Variants in PARVB observed in about 807,000 individuals in gnomAD.
PARVB encodes parvin beta.
A neutral mutation model predicts 47.0 loss-of-function variants in PARVB; 46 were observed. The observed-to-expected ratio is 0.98, with a 90% CI of 0.77 to 1.25. The LOEUF is 1.25. Ranked by LOEUF, PARVB falls within the 50% of genes most tolerant of loss-of-function variation. The pLI, the probability that PARVB is intolerant of heterozygous loss-of-function variation, is 0.00. For missense variants in PARVB, 473 were observed against 471.6 expected (o/e 1.00, Z -0.03); for synonymous variants, 196 against 196.3 (o/e 1.00, Z 0.01).
intron 4 of PARVB, among the ~76,000 whole-genome samples, chr22:44,124,165 T>G (rs2053135828): frequency 6.6e-6 from 1 of 152,204 alleles, no homozygotes; most frequent in South Asian, 2.1e-4. Context: ...GACAGATAGA[T>G]GAGTATTGTT....
upstream of PARVB, among the ~76,000 whole-genome samples, chr22:44,020,849 C>T (rs1394565908): frequency 6.6e-6 from 1 of 151,484 alleles, no homozygotes; most frequent in Non-Finnish European, 1.5e-5. Context: ...GGCGTGATCT[C>T]GGCTCACTGC....
chr22:44,142,659 C>T (rs928198354), intron 8 of PARVB: 6 of 152,078 alleles, frequency 3.9e-5, no homozygotes, highest in South Asian at 2.1e-4. Context: ...GCAGTGGCTC[C>T]CTAGGTAAGA....
intron 3 of PARVB, chr22:44,107,853 T>G (rs1211741713): frequency 1.3e-5 from 2 of 152,024 alleles, no homozygotes; most frequent in African/African-American, 4.8e-5. Context: ...GCAGTGTTTC[T>G]TATTAATTAC....
intron 2 of PARVB, among the ~76,000 whole-genome samples, chr22:44,008,880 T>C (rs2050494866): frequency 6.6e-6 from 1 of 151,902 alleles, no homozygotes; most frequent in Non-Finnish European, 1.5e-5. Flanking sequence ...TCCCAGCTAC[T>C]CGGGAGGCTG....
intron 1 of PARVB, among the ~76,000 whole-genome samples, chr22:44,030,910 T>C (rs1453715976): frequency 6.6e-6 from 1 of 152,030 alleles, no homozygotes; most frequent in Admixed American, 6.6e-5. Flanking sequence ...GCGGGCCTCC[T>C]AGCCAACGAA....
At chr22:44,062,173 G>T (rs1270545796) in intron 1 of PARVB, among the ~76,000 whole-genome samples, 2 of 152,186 alleles carry the variant, frequency 1.3e-5, no homozygotes, top group African/African-American at 4.8e-5. Flanking sequence ...GCACCTGGCA[G>T]TTCTCCAGCA....
chr22:44,056,452 C>G (rs2051313793), intron 1 of PARVB, among the ~76,000 whole-genome samples: 1 of 152,212 alleles, frequency 6.6e-6, no homozygotes, highest in South Asian at 2.1e-4. Context: ...ATTACTCTAC[C>G]TCTCTGTGCC....
At chr22:44,166,023 G>T (rs949352852) in intron 12 of PARVB, among the ~76,000 whole-genome samples, 2 of 152,216 alleles carry the variant, frequency 1.3e-5, no homozygotes, top group Non-Finnish European at 2.9e-5. Context: ...GCAGCATGGG[G>T]TGCTTCCCCC....
chr22:44,130,321 C>T (rs1407504577), intron 4 of PARVB, among the ~76,000 whole-genome samples: 2 of 152,156 alleles, frequency 1.3e-5, no homozygotes, highest in African/African-American at 4.8e-5. Context: ...GTCTTAGAAT[C>T]GAAGACTAGC....
intron 2 of PARVB, among the ~76,000 whole-genome samples, chr22:44,014,560 C>A (rs147468835): frequency 7.9e-5 from 12 of 152,302 alleles, no homozygotes; most frequent in East Asian, 1.9e-4. Context: ...TCATTAAATT[C>A]TCTCTTTTTA....
At chr22:44,101,398 G>T (rs1311655732) in intron 3 of PARVB, among the ~76,000 whole-genome samples, 3 of 145,560 alleles carry the variant, frequency 2.1e-5, no homozygotes, top group Admixed American at 1.4e-4. Flanking sequence ...CGACAGCGAG[G>T]CTCCGTCTCA....
chr22:44,016,181 C>T (rs1421492197), intron 2 of PARVB, among the ~76,000 whole-genome samples: 2 of 150,782 alleles, frequency 1.3e-5, no homozygotes, highest in Admixed American at 6.6e-5. Context: ...ACTGCAAGCT[C>T]CACCTCCCAG....
At chr22:44,148,585 T>TCAACC (rs1454258217) in intron 9 of PARVB, 6 of 158,464 alleles carry the variant, frequency 3.8e-5, no homozygotes, top group Admixed American at 2.9e-4. Context: ...AGCGCTCATT[T>TCAACC]CAACCCATGG....
At chr22:44,035,906 G>A (rs1334893136) in intron 1 of PARVB, among the ~76,000 whole-genome samples, 3 of 152,148 alleles carry the variant, frequency 2.0e-5, no homozygotes, top group East Asian at 3.9e-4. Context: ...AACAGGAGGC[G>A]GCTACTATTA....
chr22:44,024,271 C>G (rs2050690511), upstream of PARVB: 2 of 888,160 alleles, frequency 2.3e-6, no homozygotes, highest in Non-Finnish European at 1.3e-6. Context: ...GCCGCGCCCT[C>G]GGCCTCTCCC....
intron 1 of PARVB, among the ~76,000 whole-genome samples, chr22:44,042,314 AGGAG>A (rs2051033806): frequency 6.6e-6 from 1 of 152,042 alleles, no homozygotes; most frequent in African/African-American, 2.4e-5. Context: ...CCAGCTGCTC[AGGAG>A]GCTGAGGTGG....
chr22:44,033,668 A>G (rs1308556571), intron 1 of PARVB, among the ~76,000 whole-genome samples: 3 of 152,196 alleles, frequency 2.0e-5, no homozygotes, highest in Non-Finnish European at 4.4e-5. Flanking sequence ...TCCCCAAGCA[A>G]CGCCATCTTA....
intron 3 of PARVB, chr22:44,104,636 C>G (rs1385791873): frequency 6.6e-6 from 1 of 152,238 alleles, no homozygotes; most frequent in African/African-American, 2.4e-5. Flanking sequence ...GAGTCAGGTC[C>G]TCACTACACA....
chr22:44,034,165 G>A (rs2050873451), intron 1 of PARVB, among the ~76,000 whole-genome samples: 2 of 150,002 alleles, frequency 1.3e-5, no homozygotes, highest in South Asian at 4.2e-4. Flanking sequence ...ATTGCATTGT[G>A]TCTGCATTCT....
Sources: gnomAD v4.1 joint callset for allele counts (sites outside exome capture counted in the v4.1 genomes callset) on GRCh38, gnomAD v4.1.1 for gene constraint, MANE v1.5 for transcripts, NCBI Gene and HGNC (gene_info 2026-07-23, HGNC 2026-07-21) for gene names.